IQSEC1: variants seen among roughly 807,000 people sequenced by gnomAD.
IQSEC1 encodes IQ motif and Sec7 domain ArfGEF 1, also known as IQ motif and SEC7 domain-containing protein 1.
IQSEC1 carries 31 observed loss-of-function variants against 91.0 expected under a neutral mutation model. That is an observed-to-expected ratio of 0.34 (90% CI 0.26 to 0.46). The LOEUF is 0.46. Among genes scored for constraint, IQSEC1 ranks in the 20% least tolerant of loss-of-function variants. The pLI is 1.00. For missense variants in IQSEC1, 1,388 were observed against 1,575.6 expected (o/e 0.88, Z 2.02); for synonymous variants, 699 against 662.6 (o/e 1.05, Z -0.84).
chr3:13,206,745 G>A (rs2125057318), intron 1 of IQSEC1, among the ~76,000 whole-genome samples: 1 of 152,302 alleles, frequency 6.6e-6, no homozygotes, highest in East Asian at 1.9e-4. Context: ...AGGGCACATG[G>A]GGAGACGCAG....
At chr3:12,973,320 G>C (rs1700997845) in intron 1 of IQSEC1, among the ~76,000 whole-genome samples, 1 of 152,138 alleles carries the variant, frequency 6.6e-6, no homozygotes, top group South Asian at 2.1e-4. Context: ...CCACGTCCTG[G>C]GTTGTTGCTT....
rs750421772 is a variant in IQSEC1, at chr3:12,897,903, T to G, written c.*3080A>C. The G allele has an allele frequency of 6.6e-6, 1 of 152,252 alleles. No individual in the cohort carries two copies. The highest frequency in any genetic ancestry group is 1.5e-5 in the Non-Finnish European group (1 of 68,044). 9.4% of individuals were successfully genotyped at this position (152,252 alleles called of 1,614,324 possible). A position where few individuals can be genotyped will look rare whatever the true frequency, so the allele number is the denominator to read the frequency against. ...CAGCATATTAGGATGAACTTTATTT[T>G]TACATTGTTGTACAATTCATTGGTA... On this transcript the variant is annotated 3_prime_UTR_variant, in exon 14 of 14. Coordinates refer to ENST00000613206, the MANE Select transcript of IQSEC1 (RefSeq NM_001134382.3).
intron 1 of IQSEC1, among the ~76,000 whole-genome samples, chr3:13,275,890 TGTGAGCTCC>T (rs1375037133): frequency 2.0e-5 from 3 of 152,152 alleles, no homozygotes; most frequent in Non-Finnish European, 2.9e-5. Flanking sequence ...GCTCTACCGA[TGTGAGCTCC>T]CCATCCACAG....
intron 2 of IQSEC1, among the ~76,000 whole-genome samples, chr3:13,087,194 A>C (rs901573824): frequency 6.6e-6 from 1 of 152,224 alleles, no homozygotes; most frequent in Admixed American, 6.5e-5. Context: ...CCACACTAAT[A>C]ATAGGTCTTG....
At chr3:13,093,441 C>G (rs1705901866) in intron 2 of IQSEC1, among the ~76,000 whole-genome samples, 1 of 152,114 alleles carries the variant, frequency 6.6e-6, no homozygotes, top group African/African-American at 2.4e-5. Flanking sequence ...CATTAGGAAG[C>G]TTCCTCCACA....
Position 12,941,677 on chromosome 3 carries a change from T to A in IQSEC1, c.212A>T (p.Gln71Leu). 6.2e-7 allele frequency: 1 copy of A among 1,613,050 alleles called. No individual in the cohort carries two copies. Among genetic ancestry groups the A allele is most frequent in the Non-Finnish European group, 8.5e-7 (1 of 1,179,962 alleles). Residue 71 changes from glutamine to leucine, a missense_variant, in exon 2 of 14, where the codon CAG (glutamine) becomes CTG (leucine). By Grantham distance (113) the Gln-to-Leu change is moderately radical. Around this residue, in one of 2 missense-constraint regions of IQSEC1, gnomAD observed 1,059 missense variants for 1,317.8 expected, o/e 0.80. Transcript: ENST00000613206. ...QQQRTRRPKLQHSTSILRKQA... is the reference protein window; with the variant it reads ...QQQRTRRPKLLHSTSILRKQA... ...CTTGCGCAGGATGGAGGTCGAGTGC[T>A]GCAGCTTGGGCCTCCGCGTGCGCTG...
intron 2 of IQSEC1, among the ~76,000 whole-genome samples, chr3:13,125,339 C>T (rs1280847280): frequency 6.6e-6 from 1 of 152,224 alleles, no homozygotes; most frequent in East Asian, 1.9e-4. Context: ...CCACCCCCAC[C>T]TCCACCAGGT....
chr3:13,182,131 C>T (rs1457526512), intron 1 of IQSEC1, among the ~76,000 whole-genome samples: 1 of 152,238 alleles, frequency 6.6e-6, no homozygotes, highest in Admixed American at 6.5e-5. Flanking sequence ...TTTTGTAGGA[C>T]TTACATTGGA....
chr3:12,907,466 CG>C (rs1467260431), intron 12 of IQSEC1, among the ~76,000 whole-genome samples: 1 of 152,184 alleles, frequency 6.6e-6, no homozygotes, highest in African/African-American at 2.4e-5. Context: ...AGGCAGTCCC[CG>C]GGGCCCCTCC....
chr3:13,048,952 T>C (rs1247100830), intron 1 of IQSEC1, among the ~76,000 whole-genome samples: 1 of 152,180 alleles, frequency 6.6e-6, no homozygotes, highest in Admixed American at 6.5e-5. Flanking sequence ...GTGGCAGCCA[T>C]GCCTTGCCAA....
rs573036125 is a variant in IQSEC1, at chr3:12,954,013, C to T, written c.24-12148G>A. 1.1e-4 allele frequency among the ~76,000 whole-genome samples: 17 copies of T among 152,332 alleles called. No individual in the cohort carries two copies. In the South Asian group the frequency reaches 3.3e-3, roughly 30 times the overall value. On this transcript the variant is annotated intron_variant, in intron 1 of 13. Transcript: ENST00000613206. ...CAGACATGGCTGGTTCTCATCAGCG[C>T]GTAGTCGGGTGGGGGACAGAAAGAA...
At chr3:12,919,327 C>T (rs1417502658) in intron 6 of IQSEC1, among the ~76,000 whole-genome samples, 4 of 152,220 alleles carry the variant, frequency 2.6e-5, no homozygotes, top group Non-Finnish European at 4.4e-5. Context: ...CTCTAAGCCA[C>T]GCCCCAGCCT....
intron 3 of IQSEC1, among the ~76,000 whole-genome samples, chr3:12,926,922 G>T (rs1017086532): frequency 3.3e-5 from 5 of 152,224 alleles, no homozygotes; most frequent in African/African-American, 1.2e-4. Context: ...TGGCACAGAA[G>T]TGGTAATGGA....
At chr3:13,254,578 A>T (rs1477652481) in intron 1 of IQSEC1, among the ~76,000 whole-genome samples, 1 of 152,222 alleles carries the variant, frequency 6.6e-6, no homozygotes, top group East Asian at 1.9e-4. Context: ...CTGCAGGAAA[A>T]CCAGCTCAAG....
At position 12,902,836 on chromosome 3, in the gene IQSEC1, G is replaced by A. The variant is rs1237086380; in HGVS notation, c.2756-14C>T. On this transcript the variant is annotated splice_polypyrimidine_tract_variant and intron_variant, in intron 12 of 13. Transcript: ENST00000613206. ...GCCCTCGCTTCCCTGCCCAGAACAT[G>A]CAATACCAGAAGTTAGACGCGGACA... The A allele has an allele frequency of 6.2e-7, 1 of 1,607,798 alleles. No homozygotes were observed. The highest frequency in any genetic ancestry group is 1.3e-5 in the African/African-American group (1 of 74,764).
At chr3:13,277,285 T>TC (rs1440398439) in intron 1 of IQSEC1, among the ~76,000 whole-genome samples, 3 of 151,412 alleles carry the variant, frequency 2.0e-5, no homozygotes, top group Non-Finnish European at 2.9e-5. Flanking sequence ...CCCCTCTCAC[T>TC]CCCCCCGGCA....
At chr3:13,266,457 G>A (rs1294543293) in intron 1 of IQSEC1, among the ~76,000 whole-genome samples, 1 of 152,168 alleles carries the variant, frequency 6.6e-6, no homozygotes, top group Non-Finnish European at 1.5e-5. Context: ...GTGACGGGGA[G>A]CCCACAGGCC....
intron 2 of IQSEC1, among the ~76,000 whole-genome samples, chr3:12,938,661 G>A (rs893776335): frequency 1.3e-5 from 2 of 152,146 alleles, no homozygotes; most frequent in Non-Finnish European, 1.5e-5. Flanking sequence ...GCCCAAGGCT[G>A]GGATCTAGGA....
intron 3 of IQSEC1, among the ~76,000 whole-genome samples, chr3:12,932,906 C>A (rs1254699086): frequency 6.6e-6 from 1 of 152,124 alleles, no homozygotes; most frequent in East Asian, 1.9e-4. Flanking sequence ...ACCTCGGCAG[C>A]CCCCGGGATG....
Sources: gnomAD v4.1 joint callset for allele counts (sites outside exome capture counted in the v4.1 genomes callset) on GRCh38, gnomAD v4.1.1 for gene constraint, gnomAD v4.1.1 regional missense constraint, MANE v1.5 for transcripts, NCBI Gene and HGNC (gene_info 2026-07-23, HGNC 2026-07-21) for gene names.